Variants in EPB41L5 observed in about 807,000 individuals in gnomAD.
EPB41L5 encodes erythrocyte membrane protein band 4.1 like 5, also known as band 4.1-like protein 5.
EPB41L5 carries 55 observed loss-of-function variants against 106.6 expected under a neutral mutation model. That is an observed-to-expected ratio of 0.52 (90% CI 0.42 to 0.65). EPB41L5 has a LOEUF of 0.65. Ranked by LOEUF, EPB41L5 falls within the 30% of genes least tolerant of loss-of-function variation. EPB41L5 has a pLI of 0.00. For synonymous variants in EPB41L5, 297 were observed against 306.7 expected, an observed-to-expected ratio of 0.97 and a Z score of 0.33; for missense variants, 871 against 882.1, an observed-to-expected ratio of 0.99 and a Z score of 0.16.
intron 18 of EPB41L5, among the ~76,000 whole-genome samples, chr2:120,138,574 C>G (rs1205093502): frequency 6.6e-6 from 1 of 151,890 alleles, no homozygotes; most frequent in Non-Finnish European, 1.5e-5. Flanking sequence ...GGAAAGTAAT[C>G]CCATTTACAA....
At chr2:120,085,977 C>G (rs966598707) in intron 10 of EPB41L5, among the ~76,000 whole-genome samples, 7 of 152,154 alleles carry the variant, frequency 4.6e-5, no homozygotes, top group Admixed American at 4.6e-4. Flanking sequence ...CAGGGGCTCA[C>G]CTGAGGTCAG....
At chr2:120,149,553 T>C (rs976709283) in intron 20 of EPB41L5, among the ~76,000 whole-genome samples, 1 of 152,242 alleles carries the variant, frequency 6.6e-6, no homozygotes, top group African/African-American at 2.4e-5. Flanking sequence ...ACTGTACTAT[T>C]ATGTATCAGG....
chr2:120,051,765 T>G (rs1466183861), intron 3 of EPB41L5, among the ~76,000 whole-genome samples: 6 of 152,124 alleles, frequency 3.9e-5, no homozygotes, highest in African/African-American at 7.2e-5. Flanking sequence ...ACCTGTCTTC[T>G]CTCTACACTG....
intron 16 of EPB41L5, chr2:120,104,764 AT>A: frequency 1.1e-6 from 1 of 895,672 alleles, no homozygotes; most frequent in Non-Finnish European, 1.3e-6. Flanking sequence ...TTTAATTAAT[AT>A]AATTTTTAAT....
At chr2:120,170,263 AAACTT>A (rs1687617997) in intron 24 of EPB41L5, among the ~76,000 whole-genome samples, 1 of 152,254 alleles carries the variant, frequency 6.6e-6, no homozygotes, top group African/African-American at 2.4e-5. Context: ...ACTTACCACA[AAACTT>A]AGCAGCTTCA....
intron 3 of EPB41L5, among the ~76,000 whole-genome samples, chr2:120,064,905 A>G (rs993729326): frequency 6.6e-6 from 1 of 152,184 alleles, no homozygotes; most frequent in African/African-American, 2.4e-5. Flanking sequence ...ATATGCAAAC[A>G]TGAACCCAGA....
intron 3 of EPB41L5, among the ~76,000 whole-genome samples, chr2:120,053,320 A>AT (rs1278493647): frequency 2.0e-5 from 3 of 152,176 alleles, no homozygotes; most frequent in Non-Finnish European, 2.9e-5. Context: ...TGACGATGTC[A>AT]TTTTTTCTGT....
Position 120,162,233 on chromosome 2 carries a change from C to T in EPB41L5, c.1887+1259C>T, listed in dbSNP as rs569711012. On this transcript the variant is annotated intron_variant, in intron 21 of 24. Coordinates refer to ENST00000263713, the MANE Select transcript of EPB41L5 (RefSeq NM_020909.4). ...TAATTGCACTGCAGCATAACCAGCT[C>T]ATCCCAACTTCTGCCTTTTCTGTAT... 1.1e-4 allele frequency among the ~76,000 whole-genome samples: 17 copies of T among 152,340 alleles called. No homozygotes were observed. The East Asian group carries it at 2.7e-3, about 24-fold the overall frequency.
chr2:120,167,402 T>A, intron 22 of EPB41L5, 64 bp from the exon 23 acceptor site: 1 of 1,340,562 alleles, frequency 7.5e-7, no homozygotes, highest in Non-Finnish European at 1.1e-6. Flanking sequence ...TAAGTAAGTA[T>A]TATAAGTATG....
intron 3 of EPB41L5, among the ~76,000 whole-genome samples, chr2:120,062,843 G>C (rs1047990599): frequency 1.4e-5 from 1 of 69,160 alleles, no homozygotes; most frequent in African/African-American, 3.5e-5. Context: ...TTATTATTTT[G>C]ATTCTTAAGA....
intron 20 of EPB41L5, chr2:120,160,564 G>A (rs1163981580): frequency 5.0e-6 from 1 of 200,294 alleles, no homozygotes; most frequent in Admixed American, 5.9e-5. Context: ...TTTAGTTTTT[G>A]AGGAACCTCC....
chr2:120,027,671 T>C, intron 2 of EPB41L5, among the ~76,000 whole-genome samples: 1 of 152,158 alleles, frequency 6.6e-6, no homozygotes, highest in Non-Finnish European at 1.5e-5. Flanking sequence ...GCCTCCCAAG[T>C]AGCTGGGACT....
chr2:120,126,928 C>T (rs550616969), intron 16 of EPB41L5, among the ~76,000 whole-genome samples: 10 of 152,270 alleles, frequency 6.6e-5, no homozygotes, highest in Non-Finnish European at 1.3e-4. Flanking sequence ...TTATTTAGAT[C>T]TCCTTTATAA....
intron 10 of EPB41L5, among the ~76,000 whole-genome samples, chr2:120,080,901 T>C (rs938620746): frequency 3.3e-5 from 5 of 152,256 alleles, no homozygotes; most frequent in Non-Finnish European, 7.3e-5. Context: ...TGCATAAATG[T>C]CTTCTTTTGC....
chr2:120,124,728 C>T (rs1294748877), intron 16 of EPB41L5, among the ~76,000 whole-genome samples: 1 of 152,064 alleles, frequency 6.6e-6, no homozygotes, highest in African/African-American at 2.4e-5. Flanking sequence ...GATTTCAGTT[C>T]ATTTTTCATG....
At chr2:120,120,902 A>G (rs1029795721) in intron 16 of EPB41L5, among the ~76,000 whole-genome samples, 1 of 152,174 alleles carries the variant, frequency 6.6e-6, no homozygotes, top group Non-Finnish European at 1.5e-5. Flanking sequence ...GCTCACCTGA[A>G]GTCAGGAGCT....
chr2:120,086,676 G>A (rs1343269542), intron 10 of EPB41L5, among the ~76,000 whole-genome samples: 2 of 152,174 alleles, frequency 1.3e-5, no homozygotes, highest in South Asian at 2.1e-4. Context: ...GGAAGTTCAC[G>A]GCTGCAGTGA....
At chr2:120,053,864 C>A (rs141888692) in intron 3 of EPB41L5, among the ~76,000 whole-genome samples, 1 of 152,090 alleles carries the variant, frequency 6.6e-6, no homozygotes, top group African/African-American at 2.4e-5. Flanking sequence ...GAGTTCGAGA[C>A]CAGCCTGGGC....
intron 2 of EPB41L5, 104 bp from the exon 3 acceptor site, chr2:120,041,902 T>C (rs1679429335): frequency 1.4e-6 from 1 of 715,392 alleles, no homozygotes; most frequent in African/African-American, 1.8e-5. Flanking sequence ...GTATTGCAAG[T>C]CCTCCTTTCT....
Sources: gnomAD v4.1 joint callset for allele counts (sites outside exome capture counted in the v4.1 genomes callset) on GRCh38, gnomAD v4.1.1 for gene constraint, MANE v1.5 for transcripts, NCBI Gene and HGNC (gene_info 2026-07-23, HGNC 2026-07-21) for gene names.